The following FGGY variants were observed in gnomAD, a reference collection of about 807,000 sequenced individuals.
FGGY encodes FGGY carbohydrate kinase domain-containing protein.
Under a neutral mutation model 71.3 loss-of-function variants are expected in FGGY, and 72 were observed. The observed-to-expected ratio is 1.01, with a 90% CI of 0.84 to 1.23. The LOEUF (loss-of-function observed/expected upper bound fraction) is 1.23. Ranked by LOEUF, FGGY falls within the 50% of genes most tolerant of loss-of-function variation. The probability of loss-of-function intolerance (pLI) is 0.00; values close to 1 mark genes in which losing one functional copy is unlikely to be tolerated. For missense variants in FGGY, 668 were observed against 682.3 expected, an observed-to-expected ratio of 0.98 and a Z score of 0.23; for synonymous variants, 251 against 250.3, an observed-to-expected ratio of 1.00 and a Z score of -0.02.
intron 5 of FGGY, among the ~76,000 whole-genome samples, chr1:59,428,157 A>G (rs902843939): frequency 6.6e-6 from 1 of 152,218 alleles, no homozygotes; most frequent in Non-Finnish European, 1.5e-5. Flanking sequence ...AGTGTCCTGC[A>G]AGTGATTCTA....
Position 59,322,578 on chromosome 1 carries a change from G to C in FGGY, c.201+828G>C, listed in dbSNP as rs1281734428. On this transcript the variant is annotated intron_variant, in intron 2 of 15. Coordinates refer to ENST00000303721, the MANE Select transcript of FGGY (RefSeq NM_018291.5). ...GAGGATGAGAGGAACTGCATTTTGG[G>C]CAGAGGGAATAGCATATGCAAAGGC... is the stretch of plus-strand genomic sequence containing the variant. 2.0e-5 allele frequency among the ~76,000 whole-genome samples: 3 copies of C among 152,134 alleles called. No homozygotes were observed. The East Asian group carries it at 5.8e-4, about 29-fold the overall frequency.
chr1:59,453,869 T>C (rs570181681), intron 5 of FGGY, among the ~76,000 whole-genome samples: 1 of 151,976 alleles, frequency 6.6e-6, no homozygotes, highest in Non-Finnish European at 1.5e-5. Flanking sequence ...GCCTACAATG[T>C]GGGGGACAGG....
intron 1 of FGGY, among the ~76,000 whole-genome samples, chr1:59,306,931 T>G (rs1395960416): frequency 6.6e-6 from 1 of 152,160 alleles, no homozygotes; most frequent in Non-Finnish European, 1.5e-5. Context: ...TGGATTCTGC[T>G]AAACAGGCTA....
Position 59,590,004 on chromosome 1 carries a change from T to C in FGGY, c.904-17799T>C, listed in dbSNP as rs917760689. ...AAAAATTAATGAATCTAGGAGCTGGTTTTTTGAAAGGATCAACAAAATTGA... is the reference window on the plus strand; with the variant it reads ...AAAAATTAATGAATCTAGGAGCTGGCTTTTTGAAAGGATCAACAAAATTGA... On this transcript the variant is annotated intron_variant, in intron 8 of 15. Coordinates refer to ENST00000303721, the MANE Select transcript of FGGY (RefSeq NM_018291.5). Among the ~76,000 whole-genome samples the C allele has an allele frequency of 2.0e-5, 3 of 151,964 alleles. No individual in the cohort carries two copies. The East Asian group carries it at 5.8e-4, about 29-fold the overall frequency.
intron 9 of FGGY, among the ~76,000 whole-genome samples, chr1:59,609,867 G>T (rs1044117338): frequency 1.3e-5 from 2 of 152,186 alleles, no homozygotes; most frequent in African/African-American, 4.8e-5. Context: ...TGAATTAAAT[G>T]AATTGGACCT....
intron 14 of FGGY, among the ~76,000 whole-genome samples, chr1:59,685,184 G>A (rs896825471): frequency 9.9e-5 from 15 of 152,228 alleles, no homozygotes; most frequent in African/African-American, 2.2e-4. Context: ...TAGGGTAGAC[G>A]CTTCTCAAGG....
At chr1:59,436,313 A>T (rs910044561) in intron 5 of FGGY, among the ~76,000 whole-genome samples, 2 of 151,670 alleles carry the variant, frequency 1.3e-5, no homozygotes, top group Admixed American at 1.3e-4. Context: ...CTGTCTCTTC[A>T]TTGTCCCTGA....
At position 59,457,033 on chromosome 1, in the gene FGGY, G is replaced by A. The variant is rs199945250; in HGVS notation, c.627G>A (p.Met209Ile). ...GCTGGGACGACAGTTTCTGGAAAATGATTGGTTTGGAAGACTTTGTTGCAG... is the reference window on the plus strand; with the variant it reads ...GCTGGGACGACAGTTTCTGGAAAATAATTGGTTTGGAAGACTTTGTTGCAG... ...EKGWDDSFWK[M>I]IGLEDFVADN... The change falls in exon 6 of 16, where the codon ATG becomes ATA. Residue 209 changes from methionine to isoleucine, a missense_variant. By Grantham distance (10) the Met-to-Ile change is conservative. This residue lies in a region of FGGY where 661 missense variants were observed against 661.6 expected (regional missense o/e 1.00). Coordinates refer to ENST00000303721, the MANE Select transcript of FGGY (RefSeq NM_018291.5). 1.2e-6 allele frequency: 2 copies of A among 1,613,982 alleles called. No homozygotes were observed. Among genetic ancestry groups the A allele is most frequent in the African/African-American group, 1.3e-5 (1 of 74,914 alleles).
At chr1:59,590,447 A>T (rs369748591) in intron 8 of FGGY, among the ~76,000 whole-genome samples, 1 of 152,168 alleles carries the variant, frequency 6.6e-6, no homozygotes, top group East Asian at 1.9e-4. Flanking sequence ...ATGAGGCCAG[A>T]ATCATCCTGA....
chr1:59,451,187 G>C (rs1480666825), intron 5 of FGGY, among the ~76,000 whole-genome samples: 1 of 151,830 alleles, frequency 6.6e-6, no homozygotes, highest in African/African-American at 2.4e-5. Flanking sequence ...GTCCTACTAA[G>C]TGTTTTGTTT....
chr1:59,761,403 C>T (rs2098339623), intron 15 of FGGY, among the ~76,000 whole-genome samples: 2 of 152,174 alleles, frequency 1.3e-5, no homozygotes, highest in Non-Finnish European at 2.9e-5. Context: ...TACAACCTCT[C>T]TCTGCCAATG....
intron 6 of FGGY, among the ~76,000 whole-genome samples, chr1:59,473,236 C>T (rs184300337): frequency 2.0e-5 from 3 of 152,006 alleles, no homozygotes; most frequent in East Asian, 1.9e-4. Flanking sequence ...AGCGAGACCA[C>T]GAACCCACCG....
At chr1:59,626,114 G>A in intron 10 of FGGY, 65 bp downstream of exon 10, 1 of 1,365,520 alleles carries the variant, frequency 7.3e-7, no homozygotes, top group African/African-American at 1.4e-5. Flanking sequence ...AATTCACGTT[G>A]GGCAGTTGGG....
chr1:59,418,071 G>C (rs1028411150), intron 5 of FGGY, among the ~76,000 whole-genome samples: 2 of 152,162 alleles, frequency 1.3e-5, no homozygotes, highest in African/African-American at 4.8e-5. Context: ...GTTAAGCTAA[G>C]GAAGGATTGG....
At chr1:59,601,067 G>A (rs2096572943) in intron 8 of FGGY, among the ~76,000 whole-genome samples, 2 of 148,980 alleles carry the variant, frequency 1.3e-5, no homozygotes, top group South Asian at 4.2e-4. Flanking sequence ...TAAGACGATA[G>A]CACCGTCCAT....
chr1:59,368,683 G>T lies in FGGY; in HGVS notation c.466-10066G>T, dbSNP rs77593977. ...ATTGTATGGGCCAGAGAGGAGGAGG[G>T]ACAGAGAGATTTTTCTGCAGAACTA... On this transcript the variant is annotated intron_variant, in intron 4 of 15. Transcript: ENST00000303721. 1.9e-3 allele frequency among the ~76,000 whole-genome samples: 282 copies of T among 152,358 alleles called. 1 individual carries two copies. The highest frequency in any genetic ancestry group is 6.5e-3 in the African/African-American group (272 of 41,588).
chr1:59,649,231 G>A (rs1248596533), intron 11 of FGGY, among the ~76,000 whole-genome samples: 31 of 146,482 alleles, frequency 2.1e-4, no homozygotes, highest in African/African-American at 6.8e-4. Flanking sequence ...TTGGCAATGC[G>A]GGCTCTTTTT....
At chr1:59,592,990 G>A (rs11805530) in intron 8 of FGGY, among the ~76,000 whole-genome samples, 1 of 152,182 alleles carries the variant, frequency 6.6e-6, no homozygotes. Flanking sequence ...ATGCATTTGA[G>A]GCAAAGCCTC....
At chr1:59,739,678 AT>A (rs908804402) in intron 14 of FGGY, among the ~76,000 whole-genome samples, 4 of 151,336 alleles carry the variant, frequency 2.6e-5, no homozygotes, top group Admixed American at 6.6e-5. Flanking sequence ...TGTTTTCAGA[AT>A]TTTTTTTTCA....
Sources: gnomAD v4.1 joint callset for allele counts (sites outside exome capture counted in the v4.1 genomes callset) on GRCh38, gnomAD v4.1.1 for gene constraint, gnomAD v4.1.1 regional missense constraint, MANE v1.5 for transcripts, NCBI Gene and HGNC (gene_info 2026-07-23, HGNC 2026-07-21) for gene names.